Variants in ROBO1 observed in about 807,000 individuals in gnomAD.
The protein encoded by ROBO1 is roundabout guidance receptor 1, also known as roundabout homolog 1.
ROBO1 carries 149 observed loss-of-function variants against 195.9 expected under a neutral mutation model. The observed-to-expected ratio is 0.76, with a 90% CI of 0.67 to 0.87. The LOEUF (loss-of-function observed/expected upper bound fraction) is 0.87. Ranked by LOEUF, ROBO1 falls within the 40% of genes least tolerant of loss-of-function variation. ROBO1 has a pLI of 0.00. For missense variants in ROBO1, 1,933 were observed against 2,068.3 expected (o/e 0.93, Z 1.27); for synonymous variants, 816 against 733.2 (o/e 1.11, Z -1.82).
intron 3 of ROBO1, among the ~76,000 whole-genome samples, chr3:79,087,277 A>G (rs1429769558): frequency 6.6e-6 from 1 of 152,098 alleles, no homozygotes; most frequent in Non-Finnish European, 1.5e-5. Context: ...TAGAAATTAT[A>G]ATGTCTTGAT....
chr3:78,667,325 T>C (rs1707792473), intron 14 of ROBO1, among the ~76,000 whole-genome samples: 1 of 152,156 alleles, frequency 6.6e-6, no homozygotes, highest in Non-Finnish European at 1.5e-5. Context: ...ACATGAGGTA[T>C]TTTGATATAG....
chr3:79,214,655 G>A (rs989668658), intron 2 of ROBO1, among the ~76,000 whole-genome samples: 1 of 151,556 alleles, frequency 6.6e-6, no homozygotes, highest in Non-Finnish European at 1.5e-5. Flanking sequence ...TATATGCCAG[G>A]AGGCATGAAG....
intron 24 of ROBO1, 28 bp downstream of exon 24, chr3:78,633,907 G>A (rs1369045850): frequency 3.4e-6 from 5 of 1,462,216 alleles, no homozygotes; most frequent in Non-Finnish European, 4.8e-6. Flanking sequence ...CTTTTTAAAG[G>A]AGAAGTTCTT....
intron 2 of ROBO1, among the ~76,000 whole-genome samples, chr3:79,177,098 A>T (rs1490479795): frequency 1.3e-5 from 2 of 152,122 alleles, no homozygotes; most frequent in Non-Finnish European, 2.9e-5. Flanking sequence ...GCTCTAAAAA[A>T]TTTCAGTACT....
chr3:78,757,917 GC>G (rs1272027239), intron 4 of ROBO1, among the ~76,000 whole-genome samples: 5 of 152,258 alleles, frequency 3.3e-5, no homozygotes, highest in African/African-American at 1.2e-4. Context: ...CCCTATCAGA[GC>G]CTGTCTTTGG....
intron 1 of ROBO1, among the ~76,000 whole-genome samples, chr3:79,659,255 A>C (rs1163691857): frequency 6.6e-6 from 1 of 152,112 alleles, no homozygotes; most frequent in Non-Finnish European, 1.5e-5. Context: ...AATAGTAATG[A>C]AATACATTTT....
intron 1 of ROBO1, among the ~76,000 whole-genome samples, chr3:79,616,681 G>A (rs551064307): frequency 6.6e-6 from 1 of 152,232 alleles, no homozygotes; most frequent in South Asian, 2.1e-4. Flanking sequence ...GCTAGAAATG[G>A]ATGTGAAGAG....
intron 4 of ROBO1, among the ~76,000 whole-genome samples, chr3:78,777,004 T>G (rs979807681): frequency 6.6e-6 from 1 of 152,206 alleles, no homozygotes; most frequent in Non-Finnish European, 1.5e-5. Context: ...ATGATCTGCA[T>G]AAGAAATATT....
At chr3:78,854,668 A>G (rs1404379861) in intron 4 of ROBO1, among the ~76,000 whole-genome samples, 1 of 152,098 alleles carries the variant, frequency 6.6e-6, no homozygotes, top group Non-Finnish European at 1.5e-5. Flanking sequence ...TTTTAACTAC[A>G]AGACTTAGAA....
chr3:79,401,787 C>T (rs187880311), intron 2 of ROBO1, among the ~76,000 whole-genome samples: 246 of 151,914 alleles, frequency 1.6e-3, no homozygotes, highest in Admixed American at 3.0e-3. Flanking sequence ...AAATTTCTAA[C>T]ACTTAAAATA....
chr3:78,916,557 G>GAAAAAAAAAAA (rs969858186), intron 4 of ROBO1, among the ~76,000 whole-genome samples: 1 of 74,134 alleles, frequency 1.3e-5, no homozygotes, highest in Non-Finnish European at 3.1e-5. Flanking sequence ...GTCTCAAAAA[G>GAAAAAAAAAAA]AAAAAAAAAA....
intron 2 of ROBO1, among the ~76,000 whole-genome samples, chr3:79,198,047 TC>T (rs2108771680): frequency 6.6e-6 from 1 of 152,244 alleles, no homozygotes; most frequent in South Asian, 2.1e-4. Context: ...TTTAATTAAA[TC>T]CCATTTGTCA....
chr3:78,624,905 C>T (rs1704668168), intron 26 of ROBO1, among the ~76,000 whole-genome samples: 1 of 151,954 alleles, frequency 6.6e-6, no homozygotes, highest in Non-Finnish European at 1.5e-5. Context: ...ATGTAGAAGA[C>T]CTGGATGTTG....
At chr3:78,761,174 C>G (rs2083093367) in intron 4 of ROBO1, among the ~76,000 whole-genome samples, 1 of 151,968 alleles carries the variant, frequency 6.6e-6, no homozygotes, top group African/African-American at 2.4e-5. Context: ...ATAAACGGTT[C>G]TTAGCACTAG....
At chr3:79,468,137 C>T (rs1403917444) in intron 2 of ROBO1, among the ~76,000 whole-genome samples, 2 of 152,174 alleles carry the variant, frequency 1.3e-5, no homozygotes, top group East Asian at 3.8e-4. Context: ...TATAATGAAA[C>T]AAACCAGTAA....
At chr3:79,188,105 G>T (rs1177592722) in intron 2 of ROBO1, among the ~76,000 whole-genome samples, 1 of 151,926 alleles carries the variant, frequency 6.6e-6, no homozygotes, top group Non-Finnish European at 1.5e-5. Flanking sequence ...CTAAATTCCT[G>T]CTGCTCTGTA....
rs915813718 is a variant in ROBO1 at position 78,849,843 on chromosome 3, C to T, written c.499+88758G>A. Among the ~76,000 whole-genome samples the T allele has an allele frequency of 3.9e-4, 58 of 150,578 alleles. No individual in the cohort carries two copies. The South Asian group carries it at 5.2e-3, about 14-fold the overall frequency. The stretch of plus-strand genomic sequence containing the variant: ...CTCTCTCTCCCATTACACACACACA[C>T]ACACACACACACACACACACACACA... On this transcript the variant is annotated intron_variant, in intron 4 of 30. Coordinates refer to ENST00000464233, the MANE Select transcript of ROBO1 (RefSeq NM_002941.4).
At chr3:79,739,694 G>A (rs1316864424) in intron 1 of ROBO1, among the ~76,000 whole-genome samples, 1 of 152,116 alleles carries the variant, frequency 6.6e-6, no homozygotes, top group Non-Finnish European at 1.5e-5. Flanking sequence ...TGTTTTGGAA[G>A]GTGTTCAAGA....
At position 79,522,129 on chromosome 3, in the gene ROBO1, A is replaced by T. The variant is rs567849234; in HGVS notation, c.88+67695T>A. ...TATCTGTGGCTGTGCAACTCCAAAG[A>T]AATCATATTTGATAATTGTTTTGGT... On this transcript the variant is annotated intron_variant, in intron 2 of 30. Transcript: ENST00000464233. Among the ~76,000 whole-genome samples, 421 of 152,296 alleles carry T rather than the reference A, an allele frequency of 2.8e-3. 2 individuals carry two copies. The highest frequency in any genetic ancestry group is 5.1e-3 in the Non-Finnish European group (347 of 68,010).
Sources: allele counts gnomAD v4.1 joint callset (sites outside exome capture counted in the v4.1 genomes callset), GRCh38; gene constraint gnomAD v4.1.1; transcripts MANE v1.5; gene names NCBI Gene and HGNC (gene_info 2026-07-23, HGNC 2026-07-21).